Variants in RSF1 observed in about 807,000 individuals in gnomAD.
RSF1 encodes HBV pX-associated protein 8.
Under a neutral mutation model 145.2 loss-of-function variants are expected in RSF1, and 13 were observed. That is an observed-to-expected ratio of 0.09 (90% CI 0.06 to 0.14). The LOEUF (loss-of-function observed/expected upper bound fraction) is 0.14, where lower values mean the gene tolerates loss of function less well. Among genes scored for constraint, RSF1 ranks in the 10% least tolerant of loss-of-function variants. The probability of loss-of-function intolerance (pLI) is 1.00; values close to 1 mark genes in which losing one functional copy is unlikely to be tolerated. For missense variants in RSF1, 1,517 were observed against 1,718.2 expected (o/e 0.88, Z 2.07); for synonymous variants, 577 against 592.6 (o/e 0.97, Z 0.38).
intron 7 of RSF1, among the ~76,000 whole-genome samples, chr11:77,695,413 CCCA>C (rs1362289674): frequency 1.3e-5 from 2 of 152,030 alleles, no homozygotes; most frequent in Non-Finnish European, 2.9e-5. Context: ...TCTCTTCTTC[CCCA>C]CATTTGTTTA....
At chr11:77,869,627 G>A in the RSF1 span, 10 of 1,220,598 alleles carry the variant, frequency 8.2e-6, no homozygotes, top group South Asian at 1.3e-5. Context: ...GTGAACCTCA[G>A]TAGACATTTC....
In RSF1 at chr11:77,691,211, G is replaced by C. The variant is rs745828901; in HGVS notation, c.2848C>G (p.Gln950Glu). Residue 950 changes from glutamine (Q) to glutamate (E), a missense_variant, in exon 9 of 16, where the codon CAG becomes GAG. Around this residue, in one of 12 missense-constraint regions of RSF1, gnomAD observed 29 missense variants for 102.3 expected, o/e 0.28. Coordinates refer to ENST00000308488, the MANE Select transcript of RSF1 (RefSeq NM_016578.4). Reference sequence around the variant, plus strand: ...AAGGCAACATCCAAATCCTGCAACTGTTCCTCTAATTTTTCACAGAGCAGT... The same window carrying C: ...AAGGCAACATCCAAATCCTGCAACTCTTCCTCTAATTTTTCACAGAGCAGT... ...HKLLCEKLEEQLQDLDVALKK... is the reference protein window; with the variant it reads ...HKLLCEKLEEELQDLDVALKK... The C allele has an allele frequency of 1.2e-6, 2 of 1,614,132 alleles. No individual in the cohort carries two copies. The highest frequency in any genetic ancestry group is 3.3e-5 in the Admixed American group (2 of 60,024).
intron 9 of RSF1, 79 bp from the exon 10 acceptor site, chr11:77,685,238 T>C (rs1021846361): frequency 1.0e-4 from 77 of 755,014 alleles, no homozygotes; most frequent in South Asian, 3.8e-4. Flanking sequence ...ATACACATAA[T>C]GTTAAAATTA....
chr11:77,672,976 C>T (rs1959597167), intron 14 of RSF1, among the ~76,000 whole-genome samples: 1 of 152,224 alleles, frequency 6.6e-6, no homozygotes, highest in Non-Finnish European at 1.5e-5. Flanking sequence ...AGCCACCACA[C>T]CCAGCCTAAA....
rs201254008 is a variant in RSF1 at position 77,779,376 on chromosome 11, T to TA, written c.188-14688dup. On this transcript the variant is annotated intron_variant, in intron 1 of 15. Coordinates refer to ENST00000308488, the MANE Select transcript of RSF1 (RefSeq NM_016578.4). ...GCACACCACTATGCCTTGCTATTTC[T>TA]AAAAAAAATTTTTTTTTTTTTTTGA... Among the ~76,000 whole-genome samples the TA allele has an allele frequency of 4.4e-3, 658 of 147,980 alleles. 2 individuals are homozygous for TA. Among genetic ancestry groups the TA allele is most frequent in the African/African-American group, 0.015 (584 of 39,214 alleles).
Position 77,702,455 on chromosome 11 carries a change from C to T in RSF1, c.774G>A (p.Gln258=), listed in dbSNP as rs951675556. The T allele has an allele frequency of 1.3e-6, 2 of 1,561,254 alleles. No homozygotes were observed. The highest frequency in any genetic ancestry group is 1.7e-6 in the Non-Finnish European group (2 of 1,163,760). ...TAGAACGGTTTTCTAAATCCATAGGCTGCTCCTCACTTTTCATCTTTTCAC... is the reference window on the plus strand; with the variant it reads ...TAGAACGGTTTTCTAAATCCATAGGTTGCTCCTCACTTTTCATCTTTTCAC... ...KESEKMKSEE[Q]PMDLENRSTA... is the part of the protein sequence containing the mutation. Residue 258 remains glutamine (Q), a synonymous_variant, in exon 6 of 16, where the codon CAG becomes CAA. Coordinates refer to ENST00000308488, the MANE Select transcript of RSF1 (RefSeq NM_016578.4).
In RSF1 at chr11:77,701,033, G is replaced by A; in HGVS notation, c.2196C>T (p.Gly732=). 1 of 1,613,662 alleles carries A rather than the reference G, an allele frequency of 6.2e-7. No homozygotes were observed. The highest frequency in any genetic ancestry group is 8.5e-7 in the Non-Finnish European group (1 of 1,179,998). The change falls in exon 6 of 16, where the codon GGC becomes GGT. Residue 732 remains glycine, a synonymous_variant. Coordinates refer to ENST00000308488, the MANE Select transcript of RSF1 (RefSeq NM_016578.4). ...TTGATATCCTGATTGTTAATTTGAT[G>A]CCCTCTTTCTGCCTTTCAGAGGTTA... is the stretch of plus-strand genomic sequence containing the variant. ...TEITSERQKE[G]IKLTIRISSR...
intron 1 of RSF1, among the ~76,000 whole-genome samples, chr11:77,785,788 T>C (rs1167412245): frequency 6.7e-6 from 1 of 148,792 alleles, no homozygotes. Flanking sequence ...TAGCCTGGCA[T>C]GGCGGCGGGC....
At chr11:77,851,782 G>A in the RSF1 span, among the ~76,000 whole-genome samples, 2 of 152,108 alleles carry the variant, frequency 1.3e-5, no homozygotes, top group African/African-American at 4.8e-5. Flanking sequence ...TCAAGCAGAT[G>A]CTGGTATCAT....
chr11:77,821,034 A>T, upstream of RSF1: 5 of 298,724 alleles, frequency 1.7e-5, no homozygotes, highest in Non-Finnish European at 2.5e-5. Flanking sequence ...CGGGGCGGGG[A>T]GGCGGGCTGG....
chr11:77,835,396 C>T, the RSF1 span, among the ~76,000 whole-genome samples: 1 of 152,104 alleles, frequency 6.6e-6, no homozygotes, highest in Non-Finnish European at 1.5e-5. Context: ...AACTACTATA[C>T]CTGCCGTATG....
intron 2 of RSF1, among the ~76,000 whole-genome samples, chr11:77,760,338 A>G (rs1057217042): frequency 6.6e-5 from 10 of 152,232 alleles, no homozygotes; most frequent in African/African-American, 2.2e-4. Context: ...AAAAGACCAC[A>G]TATTTTATGA....
At chr11:77,806,799 G>A (rs1037300393) in intron 1 of RSF1, among the ~76,000 whole-genome samples, 1 of 151,716 alleles carries the variant, frequency 6.6e-6, no homozygotes, top group African/African-American at 2.4e-5. Context: ...CAAGGGAGGA[G>A]GGGGTGAGAA....
chr11:77,718,686 CT>C (rs1417830848), intron 5 of RSF1, among the ~76,000 whole-genome samples: 2 of 152,150 alleles, frequency 1.3e-5, no homozygotes, highest in African/African-American at 2.4e-5. Flanking sequence ...ATAGCTTTTT[CT>C]CCACACACAC....
intron 1 of RSF1, among the ~76,000 whole-genome samples, chr11:77,798,634 A>C (rs961581838): frequency 7.2e-6 from 1 of 139,068 alleles, no homozygotes; most frequent in Non-Finnish European, 1.6e-5. Context: ...GCACATATAC[A>C]CCATGGAATA....
chr11:77,813,701 A>C (rs953190265), intron 1 of RSF1: 5 of 457,984 alleles, frequency 1.1e-5, no homozygotes, highest in Non-Finnish European at 2.1e-5. Context: ...TTCCTGACCG[A>C]CTTGTTCCTC....
chr11:77,743,705 A>C (rs1475464175), intron 3 of RSF1, among the ~76,000 whole-genome samples: 5 of 152,092 alleles, frequency 3.3e-5, no homozygotes, highest in Admixed American at 3.3e-4. Context: ...CAGATGACTT[A>C]TTTCTTTTTG....
intron 5 of RSF1, chr11:77,718,528 C>G (rs1960869704): frequency 6.6e-6 from 1 of 152,144 alleles, no homozygotes; most frequent in Non-Finnish European, 1.5e-5. Flanking sequence ...CCCACAAATT[C>G]ATATATTGAA....
chr11:77,794,353 G>T (rs572678543), intron 1 of RSF1, among the ~76,000 whole-genome samples: 67 of 152,214 alleles, frequency 4.4e-4, no homozygotes, highest in African/African-American at 1.5e-3. Flanking sequence ...GGAATAAAAT[G>T]AGAAACAAAT....
Sources: allele counts gnomAD v4.1 joint callset (sites outside exome capture counted in the v4.1 genomes callset), GRCh38; gene constraint gnomAD v4.1.1; regional missense constraint gnomAD v4.1.1; transcripts MANE v1.5; gene names NCBI Gene and HGNC (gene_info 2026-07-23, HGNC 2026-07-21).